RNF220: variants seen among roughly 807,000 people sequenced by gnomAD.
RNF220 encodes ring finger protein 220, also known as E3 ubiquitin-protein ligase RNF220.
RNF220 carries 7 observed loss-of-function variants against 67.1 expected under a neutral mutation model. The observed-to-expected ratio is 0.10, with a 90% confidence interval of 0.06 to 0.20. The LOEUF (loss-of-function observed/expected upper bound fraction) is 0.20. Among genes scored for constraint, RNF220 ranks in the 10% least tolerant of loss-of-function variants. The pLI, the probability that RNF220 is intolerant of heterozygous loss-of-function variation, is 1.00. For missense variants in RNF220, 565 were observed against 740.3 expected (o/e 0.76, Z 2.75); for synonymous variants, 270 against 283.2 (o/e 0.95, Z 0.47).
intron 6 of RNF220, 50 bp downstream of exon 6, chr1:44,632,435 C>G (rs1364315037): frequency 5.3e-6 from 8 of 1,514,198 alleles, no homozygotes; most frequent in Non-Finnish European, 7.2e-6. Context: ...CCTCCTCCCT[C>G]CCTCCCTCAC....
At chr1:44,420,441 C>T (rs573450951) in intron 2 of RNF220, among the ~76,000 whole-genome samples, 10 of 152,154 alleles carry the variant, frequency 6.6e-5, no homozygotes, top group East Asian at 5.8e-4. Flanking sequence ...GAGAGACCTT[C>T]GCTTTATTTT....
intron 2 of RNF220, among the ~76,000 whole-genome samples, chr1:44,519,901 A>C (rs769152014): frequency 2.2e-4 from 34 of 152,070 alleles, no homozygotes; most frequent in Non-Finnish European, 4.1e-4. Flanking sequence ...TAACCACTGA[A>C]AGTTTTTAAT....
chr1:44,603,990 C>A (rs373679833), intron 2 of RNF220, among the ~76,000 whole-genome samples: 30 of 152,348 alleles, frequency 2.0e-4, no homozygotes, highest in African/African-American at 7.0e-4. Flanking sequence ...TTTTATAAGC[C>A]CATCGTCAGA....
At chr1:44,500,526 G>A (rs141257717) in intron 2 of RNF220, among the ~76,000 whole-genome samples, 2,264 of 152,278 alleles carry the variant, frequency 0.015, 23 homozygotes, top group Non-Finnish European at 0.022. Flanking sequence ...GAATGTAAGC[G>A]CTGCAAGGAG....
chr1:44,532,902 G>A lies in RNF220; in HGVS notation c.626-81263G>A, dbSNP rs116433817. On this transcript the variant is annotated intron_variant, in intron 2 of 14. Transcript: ENST00000361799. ...CTGAAGACCTTCTTGTCACAGCAGG[G>A]GAGGAAGAGGGGAGCTCCAGCTCCC... is the stretch of plus-strand genomic sequence containing the variant. Among the ~76,000 whole-genome samples the A allele has an allele frequency of 5.2e-3, 792 of 152,346 alleles. 4 individuals carry two copies. The highest frequency in any genetic ancestry group is 0.018 in the African/African-American group (758 of 41,576).
chr1:44,575,854 G>C (rs1664766529), intron 2 of RNF220, among the ~76,000 whole-genome samples: 2 of 152,156 alleles, frequency 1.3e-5, no homozygotes, highest in South Asian at 4.1e-4. Context: ...GCTTTTTATT[G>C]CCTGCTCTCC....
rs138134347 is a variant in RNF220 at position 44,638,012 on chromosome 1, C to T, written c.1126+1850C>T. On this transcript the variant is annotated intron_variant, in intron 8 of 14. Transcript: ENST00000361799. ...GGGGGCCACGAGGCAGAGAGCGGGG[C>T]GCAGTGGAGCGGAGGAGGCTGAGGC... Among the ~76,000 whole-genome samples the T allele has an allele frequency of 3.7e-3, 558 of 152,330 alleles. 5 individuals are homozygous for T. The highest frequency in any genetic ancestry group is 0.012 in the African/African-American group (493 of 41,580).
intron 2 of RNF220, among the ~76,000 whole-genome samples, chr1:44,507,675 A>G (rs1658557480): frequency 6.6e-6 from 1 of 151,750 alleles, no homozygotes; most frequent in Non-Finnish European, 1.5e-5. Context: ...CTGGACGCAG[A>G]GGGGGGTACG....
chr1:44,585,533 G>A (rs1665634634), intron 2 of RNF220, among the ~76,000 whole-genome samples: 1 of 152,182 alleles, frequency 6.6e-6, no homozygotes, highest in Admixed American at 6.5e-5. Flanking sequence ...GCCAAGGTCA[G>A]CAACAACTTC....
chr1:44,564,732 A>G (rs574172133), intron 2 of RNF220, among the ~76,000 whole-genome samples: 1 of 149,590 alleles, frequency 6.7e-6, no homozygotes, highest in African/African-American at 2.5e-5. Context: ...AGCCTGGGCA[A>G]CAGAGCAAGA....
At chr1:44,424,509 A>C (rs1003101463) in intron 2 of RNF220, among the ~76,000 whole-genome samples, 1 of 152,066 alleles carries the variant, frequency 6.6e-6, no homozygotes, top group African/African-American at 2.4e-5. Flanking sequence ...GGAAGGTTTC[A>C]CCGAGGTGTT....
chr1:44,432,358 C>G (rs541746026), intron 2 of RNF220, among the ~76,000 whole-genome samples: 1 of 146,906 alleles, frequency 6.8e-6, no homozygotes, highest in Admixed American at 6.8e-5. Flanking sequence ...GCAACCTCCA[C>G]CCCCCAGGTT....
At chr1:44,644,657 C>G in intron 8 of RNF220, 41 bp from the exon 9 acceptor site, 1 of 1,545,464 alleles carries the variant, frequency 6.5e-7, no homozygotes. Context: ...CCCTTGGCCT[C>G]GTCTTGTCCC....
intron 2 of RNF220, among the ~76,000 whole-genome samples, chr1:44,570,555 G>A (rs1390748286): frequency 6.6e-6 from 1 of 152,128 alleles, no homozygotes; most frequent in Non-Finnish European, 1.5e-5. Context: ...ACAGGCTAAA[G>A]CCGAAGTCTC....
At chr1:44,632,299 C>G in intron 5 of RNF220, 44 bp from the exon 6 acceptor site, 3 of 1,614,018 alleles carry the variant, frequency 1.9e-6, no homozygotes, top group Non-Finnish European at 8.5e-7. Flanking sequence ...CCGCGCCTGA[C>G]GCTCTCTTTT....
At chr1:44,507,983 C>A (rs573655397) in intron 2 of RNF220, among the ~76,000 whole-genome samples, 1 of 152,224 alleles carries the variant, frequency 6.6e-6, no homozygotes, top group African/African-American at 2.4e-5. Context: ...TCGGGACAGA[C>A]AGTCCTGGGG....
Position 44,434,653 on chromosome 1 carries a change from C to A in RNF220, c.625+21931C>A, listed in dbSNP as rs185928010. Among the ~76,000 whole-genome samples, 402 of 150,766 alleles carry A rather than the reference C, an allele frequency of 2.7e-3. 5 individuals are homozygous for A. The highest frequency in any genetic ancestry group is 9.4e-3 in the African/African-American group (387 of 41,006). On this transcript the variant is annotated intron_variant, in intron 2 of 14. Coordinates refer to ENST00000361799, the MANE Select transcript of RNF220 (RefSeq NM_018150.4). ...AATGGCATGAACCTGGGAGGCAGAG[C>A]TTGCAGTGAGCAGAGATCACACAAC...
intron 2 of RNF220, among the ~76,000 whole-genome samples, chr1:44,516,928 G>C (rs1659495300): frequency 6.6e-6 from 1 of 151,926 alleles, no homozygotes; most frequent in Non-Finnish European, 1.5e-5. Flanking sequence ...AGTCCAGAAT[G>C]CTGCTCATCA....
intron 3 of RNF220, among the ~76,000 whole-genome samples, chr1:44,615,483 G>C (rs1221679368): frequency 1.3e-5 from 2 of 152,202 alleles, no homozygotes; most frequent in Non-Finnish European, 2.9e-5. Context: ...GCTCCTCCCA[G>C]TCCGACCCTT....
Sources: allele counts gnomAD v4.1 joint callset (sites outside exome capture counted in the v4.1 genomes callset), GRCh38; gene constraint gnomAD v4.1.1; transcripts MANE v1.5; gene names NCBI Gene and HGNC (gene_info 2026-07-23, HGNC 2026-07-21).